Variants in CADM2 observed in about 807,000 individuals in gnomAD.
CADM2 encodes immunoglobulin superfamily member 4D.
CADM2 carries 12 observed loss-of-function variants against 49.8 expected under a neutral mutation model. The ratio of observed to expected loss-of-function variants is 0.24; its 90% CI spans 0.15 to 0.39. The LOEUF (loss-of-function observed/expected upper bound fraction) is 0.39, where lower values mean the gene tolerates loss of function less well. CADM2 is among the 10% of genes least tolerant of loss of function. The probability of loss-of-function intolerance (pLI) is 1.00; values close to 1 mark genes in which losing one functional copy is unlikely to be tolerated. For missense variants in CADM2, 378 were observed against 492.3 expected, an observed-to-expected ratio of 0.77 and a Z score of 2.20; for synonymous variants, 214 against 175.4, an observed-to-expected ratio of 1.22 and a Z score of -1.74.
chr3:85,098,354 A>T (rs1368581845), intron 1 of CADM2, among the ~76,000 whole-genome samples: 2 of 152,136 alleles, frequency 1.3e-5, no homozygotes, highest in Admixed American at 6.5e-5. Flanking sequence ...GGGAAAAAAA[A>T]ATATGACCAA....
At chr3:85,349,874 T>G (rs572574376) in intron 1 of CADM2, among the ~76,000 whole-genome samples, 2 of 152,282 alleles carry the variant, frequency 1.3e-5, no homozygotes, top group African/African-American at 2.4e-5. Context: ...TTAAAGACCA[T>G]GCCACAACCG....
At position 85,568,447 on chromosome 3, in the gene CADM2, C is replaced by CTT. The variant is rs1383847938; in HGVS notation, c.62-158073_62-158072dup. Among the ~76,000 whole-genome samples the CTT allele has an allele frequency of 9.0e-3, 322 of 35,760 alleles. 15 individuals are homozygous for CTT. The highest frequency in any genetic ancestry group is 0.024 in the African/African-American group (300 of 12,404). 23.5% of individuals were successfully genotyped at this position (35,760 alleles called of 152,430 possible). On this transcript the variant is annotated intron_variant, in intron 1 of 9. Coordinates refer to ENST00000383699, the MANE Select transcript of CADM2 (RefSeq NM_001167675.2). ...TCTTTCTTTCTTTCTTTCTTTCTTT[C>CTT]TTTCTTTCTTTCTTTCTCTTTCTCT...
intron 1 of CADM2, among the ~76,000 whole-genome samples, chr3:85,687,006 G>A (rs1409668361): frequency 6.6e-6 from 1 of 152,154 alleles, no homozygotes; most frequent in Non-Finnish European, 1.5e-5. Context: ...TCTTGAGGCT[G>A]TGTCACGGGT....
chr3:85,421,534 T>C (rs62250688), intron 1 of CADM2, among the ~76,000 whole-genome samples: 6,661 of 152,250 alleles, frequency 0.044, 204 homozygotes, highest in Middle Eastern at 0.068. Context: ...TTACTAAAAA[T>C]TATTCTTTTG....
intron 1 of CADM2, among the ~76,000 whole-genome samples, chr3:85,014,926 C>G (rs2107269680): frequency 6.6e-6 from 1 of 152,206 alleles, no homozygotes; most frequent in Admixed American, 6.5e-5. Context: ...CTGCCTATAT[C>G]CTTCTATTTC....
chr3:86,021,813 A>G (rs1186999226), intron 8 of CADM2, among the ~76,000 whole-genome samples: 2 of 152,226 alleles, frequency 1.3e-5, no homozygotes, highest in East Asian at 3.8e-4. Flanking sequence ...AACAGCAGTT[A>G]TCAGTGGCAG....
chr3:85,747,493 T>G (rs952201243), intron 2 of CADM2, among the ~76,000 whole-genome samples: 9 of 152,126 alleles, frequency 5.9e-5, no homozygotes, highest in African/African-American at 2.2e-4. Context: ...GATGAGAGAT[T>G]ATTAGGATAC....
intron 1 of CADM2, among the ~76,000 whole-genome samples, chr3:85,296,603 A>C (rs1450604258): frequency 1.3e-5 from 2 of 152,062 alleles, no homozygotes; most frequent in Non-Finnish European, 2.9e-5. Flanking sequence ...GATACCTTAG[A>C]GTCTCACTCC....
intron 1 of CADM2, among the ~76,000 whole-genome samples, chr3:85,601,344 AT>A (rs890663230): frequency 6.6e-5 from 10 of 150,510 alleles, no homozygotes; most frequent in Non-Finnish European, 5.9e-5. Context: ...CTGAGAGAAA[AT>A]TTTTATAATT....
At chr3:85,820,648 G>T (rs2073495864) in intron 3 of CADM2, among the ~76,000 whole-genome samples, 1 of 152,074 alleles carries the variant, frequency 6.6e-6, no homozygotes, top group Non-Finnish European at 1.5e-5. Flanking sequence ...TTTGTGGGAA[G>T]GTTTGGATTT....
intron 1 of CADM2, among the ~76,000 whole-genome samples, chr3:85,121,185 AT>A (rs2038850393): frequency 6.6e-6 from 1 of 152,210 alleles, no homozygotes; most frequent in South Asian, 2.1e-4. Flanking sequence ...GCTAGGTGGT[AT>A]CCATTCCTAA....
chr3:85,065,032 A>C (rs1332885380), intron 1 of CADM2, among the ~76,000 whole-genome samples: 1 of 152,120 alleles, frequency 6.6e-6, no homozygotes, highest in Non-Finnish European at 1.5e-5. Context: ...ATATAGATGG[A>C]GTTTTAAAAT....
At chr3:85,934,365 G>C (rs1044522008) in intron 6 of CADM2, among the ~76,000 whole-genome samples, 1 of 151,998 alleles carries the variant, frequency 6.6e-6, no homozygotes, top group Non-Finnish European at 1.5e-5. Context: ...TGATTCCATA[G>C]ATGTGCTGAT....
intron 1 of CADM2, among the ~76,000 whole-genome samples, chr3:85,569,143 A>G (rs1452232483): frequency 6.6e-6 from 1 of 152,094 alleles, no homozygotes; most frequent in African/African-American, 2.4e-5. Flanking sequence ...CCTCCCCTCC[A>G]CACCCAATCC....
chr3:85,946,046 A>C (rs549979220), intron 7 of CADM2, among the ~76,000 whole-genome samples: 6 of 152,304 alleles, frequency 3.9e-5, no homozygotes, highest in African/African-American at 1.4e-4. Flanking sequence ...TCTGAGCCCA[A>C]AATCTCTTTA....
intron 1 of CADM2, among the ~76,000 whole-genome samples, chr3:85,147,275 CAAAAAAAAAA>C (rs759888985): frequency 2.4e-4 from 11 of 46,002 alleles, no homozygotes; most frequent in African/African-American, 3.5e-4. Flanking sequence ...GACTCTGTCT[CAAAAAAAAAA>C]AAAAAAAAAA....
intron 1 of CADM2, among the ~76,000 whole-genome samples, chr3:84,965,381 A>G (rs1201077407): frequency 6.6e-6 from 1 of 152,174 alleles, no homozygotes; most frequent in Admixed American, 6.5e-5. Context: ...GTGGCATGAG[A>G]GTGAAATGGG....
intron 1 of CADM2, among the ~76,000 whole-genome samples, chr3:85,189,986 A>G (rs113751297): frequency 2.2e-3 from 268 of 122,012 alleles, no homozygotes; most frequent in African/African-American, 8.1e-3. Flanking sequence ...TAGTGTCTGC[A>G]TGGATGAACC....
chr3:85,021,209 A>G (rs1182186445), intron 1 of CADM2, among the ~76,000 whole-genome samples: 1 of 152,068 alleles, frequency 6.6e-6, no homozygotes, highest in Non-Finnish European at 1.5e-5. Context: ...ACAGTGAAAT[A>G]GTCCAAATTT....
Sources: gnomAD v4.1 joint callset for allele counts (sites outside exome capture counted in the v4.1 genomes callset) on GRCh38, gnomAD v4.1.1 for gene constraint, MANE v1.5 for transcripts, NCBI Gene and HGNC (gene_info 2026-07-23, HGNC 2026-07-21) for gene names.